ADAMTS17: variants seen among roughly 807,000 people sequenced by gnomAD.
ADAMTS17 encodes the protein A disintegrin and metalloproteinase with thrombospondin motifs 17.
ADAMTS17 carries 113 observed loss-of-function variants against 141.5 expected under a neutral mutation model. The ratio of observed to expected loss-of-function variants is 0.80; its 90% confidence interval spans 0.69 to 0.93. The LOEUF (loss-of-function observed/expected upper bound fraction) is 0.93, where lower values mean the gene tolerates loss of function less well. Ranked by LOEUF, ADAMTS17 falls within the 40% of genes least tolerant of loss-of-function variation. The pLI, the probability that ADAMTS17 is intolerant of heterozygous loss-of-function variation, is 0.00. For missense variants in ADAMTS17, 1,659 were observed against 1,517.9 expected (o/e 1.09, Z -1.54); for synonymous variants, 768 against 630.6 (o/e 1.22, Z -3.27).
chr15:100,009,227 A>C (rs2061105864), intron 18 of ADAMTS17, among the ~76,000 whole-genome samples: 2 of 152,060 alleles, frequency 1.3e-5, no homozygotes, highest in African/African-American at 4.8e-5. Context: ...GTTTCCCTTT[A>C]CAGAGGGAGA....
intron 8 of ADAMTS17, among the ~76,000 whole-genome samples, chr15:100,184,057 G>T (rs1221867134): frequency 6.6e-6 from 1 of 151,460 alleles, no homozygotes; most frequent in Non-Finnish European, 1.5e-5. Context: ...GCTGCTGCTG[G>T]GAGCAGATCG....
At chr15:100,151,135 G>A (rs751808467) in intron 10 of ADAMTS17, among the ~76,000 whole-genome samples, 2 of 152,176 alleles carry the variant, frequency 1.3e-5, no homozygotes, top group African/African-American at 2.4e-5. Context: ...CTGGGGGCAG[G>A]AGGTACAGGC....
chr15:100,126,949 G>A (rs753496422), intron 12 of ADAMTS17, among the ~76,000 whole-genome samples: 6 of 152,180 alleles, frequency 3.9e-5, no homozygotes, highest in Non-Finnish European at 7.3e-5. Context: ...GTAAGGAAGA[G>A]GTGCCGAGGG....
intron 8 of ADAMTS17, among the ~76,000 whole-genome samples, chr15:100,157,218 C>T (rs916722539): frequency 2.0e-5 from 3 of 152,130 alleles, no homozygotes; most frequent in Admixed American, 1.3e-4. Flanking sequence ...CATTGGATTA[C>T]AATTCAAAAT....
chr15:100,240,144 G>A (rs1395326430), intron 7 of ADAMTS17, among the ~76,000 whole-genome samples: 1 of 152,166 alleles, frequency 6.6e-6, no homozygotes, highest in Non-Finnish European at 1.5e-5. Flanking sequence ...GGGGCCCTGG[G>A]CCCCACCTCA....
At chr15:100,286,648 T>A (rs1468782650) in intron 3 of ADAMTS17, among the ~76,000 whole-genome samples, 1 of 150,942 alleles carries the variant, frequency 6.6e-6, no homozygotes, top group African/African-American at 2.4e-5. Flanking sequence ...CCTAAGGGCA[T>A]CAAAAAAAAC....
intron 6 of ADAMTS17, among the ~76,000 whole-genome samples, chr15:100,258,621 C>G: frequency 6.6e-6 from 1 of 152,194 alleles, no homozygotes; most frequent in Middle Eastern, 3.4e-3. Context: ...TCTTCACGAT[C>G]CCGAGAACAG....
Position 100,277,933 on chromosome 15 carries a change from C to T in ADAMTS17, c.789+3296G>A, listed in dbSNP as rs140725422. ...GGAAAAGAAAAAGGTGATGCACGTA[C>T]GTGCAATGGGATACTACTCATCCTT... On this transcript the variant is annotated intron_variant, in intron 4 of 21. Transcript: ENST00000268070. Among the ~76,000 whole-genome samples, 6 of 152,342 alleles carry T rather than the reference C, an allele frequency of 3.9e-5. No homozygotes were observed. In the East Asian group the frequency reaches 5.8e-4, roughly 15 times the overall value.
intron 3 of ADAMTS17, among the ~76,000 whole-genome samples, chr15:100,296,408 TTCTC>T (rs2044813652): frequency 6.6e-6 from 1 of 151,668 alleles, no homozygotes; most frequent in African/African-American, 2.4e-5. Flanking sequence ...CATAATGGCC[TTCTC>T]TTTCTTTTTT....
At chr15:100,108,107 G>A (rs1251441949) in intron 14 of ADAMTS17, among the ~76,000 whole-genome samples, 1 of 152,110 alleles carries the variant, frequency 6.6e-6, no homozygotes, top group Non-Finnish European at 1.5e-5. Flanking sequence ...AGGGCTACAG[G>A]TGGCCCTCAG....
chr15:100,221,140 T>C (rs2042120939), intron 7 of ADAMTS17, among the ~76,000 whole-genome samples: 2 of 152,068 alleles, frequency 1.3e-5, no homozygotes, highest in South Asian at 2.1e-4. Context: ...CAAACGCTTA[T>C]GTGTTTTTTT....
chr15:100,223,187 G>C (rs529831155), intron 7 of ADAMTS17, among the ~76,000 whole-genome samples: 1 of 152,288 alleles, frequency 6.6e-6, no homozygotes, highest in Admixed American at 6.5e-5. Context: ...TGGGGACTAA[G>C]GCAAACTGGA....
At chr15:100,013,569 T>C (rs2061228901) in intron 18 of ADAMTS17, among the ~76,000 whole-genome samples, 1 of 152,144 alleles carries the variant, frequency 6.6e-6, no homozygotes. Flanking sequence ...CGCATGCCGG[T>C]TTTGCTGAAA....
chr15:100,291,756 G>A (rs2044631267), intron 3 of ADAMTS17, among the ~76,000 whole-genome samples: 1 of 152,142 alleles, frequency 6.6e-6, no homozygotes, highest in Non-Finnish European at 1.5e-5. Context: ...ACCAAATACT[G>A]CAAGTTCTCA....
At chr15:100,159,695 G>T (rs944874123) in intron 8 of ADAMTS17, among the ~76,000 whole-genome samples, 2 of 152,214 alleles carry the variant, frequency 1.3e-5, no homozygotes, top group Admixed American at 6.5e-5. Flanking sequence ...GCCTTGGCAG[G>T]CATGGTCTTA....
chr15:100,096,244 T>A (rs1288072018), intron 15 of ADAMTS17, 112 bp downstream of exon 15: 2 of 1,554,642 alleles, frequency 1.3e-6, no homozygotes, highest in East Asian at 2.3e-5. Context: ...AGGTCACCTA[T>A]CCACTACCAT....
intron 7 of ADAMTS17, among the ~76,000 whole-genome samples, chr15:100,210,823 C>T (rs182189226): frequency 9.5e-4 from 145 of 152,198 alleles, no homozygotes; most frequent in African/African-American, 3.4e-3. Context: ...AAAAATTGGC[C>T]GGGCGCGGTG....
chr15:100,113,795 C>T (rs1013756800), intron 13 of ADAMTS17, among the ~76,000 whole-genome samples: 1 of 152,238 alleles, frequency 6.6e-6, no homozygotes, highest in African/African-American at 2.4e-5. Context: ...ACCATCACGC[C>T]CCTCATCCCC....
At chr15:100,303,111 T>C (rs28808153) in intron 3 of ADAMTS17, among the ~76,000 whole-genome samples, 83 of 146,640 alleles carry the variant, frequency 5.7e-4, no homozygotes, top group Non-Finnish European at 1.0e-3. Context: ...ATAAAATATA[T>C]AATATATATT....
Sources: allele counts gnomAD v4.1 joint callset (sites outside exome capture counted in the v4.1 genomes callset), GRCh38; gene constraint gnomAD v4.1.1; transcripts MANE v1.5; gene names NCBI Gene and HGNC (gene_info 2026-07-23, HGNC 2026-07-21).